Variants in KIF16B observed in about 807,000 individuals in gnomAD.
KIF16B encodes the protein kinesin family member 16B.
In KIF16B, 98 loss-of-function variants were observed where a neutral mutation model predicts 156.3. The observed-to-expected ratio is 0.63, with a 90% CI of 0.53 to 0.74. KIF16B has a LOEUF of 0.74. Ranked by LOEUF, KIF16B falls within the 30% of genes least tolerant of loss-of-function variation. The pLI is 0.00. For missense variants in KIF16B, 1,421 were observed against 1,606.5 expected (o/e 0.88, Z 1.97); for synonymous variants, 564 against 583.7 (o/e 0.97, Z 0.49).
intron 2 of KIF16B, among the ~76,000 whole-genome samples, chr20:16,526,567 T>A (rs12479497): frequency 6.6e-6 from 1 of 152,106 alleles, no homozygotes; most frequent in Non-Finnish European, 1.5e-5. Flanking sequence ...CATGATAAGA[T>A]TGGCACCTTC....
intron 24 of KIF16B, among the ~76,000 whole-genome samples, chr20:16,319,546 G>A (rs1026278738): frequency 1.3e-5 from 2 of 152,192 alleles, no homozygotes; most frequent in African/African-American, 4.8e-5. Context: ...AGACTGCAGA[G>A]ACAGACAGGT....
At chr20:16,546,785 T>G (rs2070422754) in intron 1 of KIF16B, among the ~76,000 whole-genome samples, 1 of 152,124 alleles carries the variant, frequency 6.6e-6, no homozygotes, top group South Asian at 2.1e-4. Flanking sequence ...ATTTATTTAT[T>G]TATTTACTTC....
At chr20:16,445,153 T>G (rs367972589) in intron 12 of KIF16B, among the ~76,000 whole-genome samples, 1 of 151,988 alleles carries the variant, frequency 6.6e-6, no homozygotes, top group Admixed American at 6.6e-5. Flanking sequence ...TGAGCTATGA[T>G]TGCACCACTG....
intron 12 of KIF16B, among the ~76,000 whole-genome samples, chr20:16,483,681 T>C (rs1375644733): frequency 6.6e-6 from 1 of 152,166 alleles, no homozygotes; most frequent in Admixed American, 6.5e-5. Flanking sequence ...AGTGAGGTTC[T>C]GAGAAACAGA....
chr20:16,504,331 T>C (rs2146999769), intron 10 of KIF16B, 41 bp downstream of exon 10: 1 of 1,592,644 alleles, frequency 6.3e-7, no homozygotes, highest in South Asian at 1.1e-5. Flanking sequence ...TAGATGCCAT[T>C]ACTCAAAGAA....
intron 13 of KIF16B, 105 bp from the exon 14 acceptor site, chr20:16,429,109 C>G (rs1366032422): frequency 1.1e-6 from 1 of 930,566 alleles, no homozygotes; most frequent in Admixed American, 1.8e-5. Flanking sequence ...ATGGGATGAA[C>G]AACATCCTGG....
chr20:16,555,770 A>T (rs943726957), intron 1 of KIF16B, among the ~76,000 whole-genome samples: 1 of 152,224 alleles, frequency 6.6e-6, no homozygotes, highest in Non-Finnish European at 1.5e-5. Context: ...AAACAAAAAC[A>T]ACCACAAAAT....
rs558737363 is a variant in KIF16B at position 16,573,333 on chromosome 20, G to A, written c.-58C>T. ...ACTAGCCCAGAACTCCGCGGTCGCC[G>A]GCGACGCTGGCTACTCAGATCGCGG... On this transcript the variant is annotated 5_prime_UTR_variant, in exon 1 of 26. Coordinates refer to ENST00000354981, the MANE Select transcript of KIF16B (RefSeq NM_024704.5). 15 of 1,574,470 alleles carry A rather than the reference G, an allele frequency of 9.5e-6. No individual in the cohort carries two copies. Among genetic ancestry groups the A allele is most frequent in the Middle Eastern group, 1.7e-4 (1 of 5,800 alleles).
At chr20:16,412,853 G>T (rs1412174941) in intron 15 of KIF16B, among the ~76,000 whole-genome samples, 1 of 152,054 alleles carries the variant, frequency 6.6e-6, no homozygotes, top group Non-Finnish European at 1.5e-5. Flanking sequence ...TACTTAAAAT[G>T]CAATAAGCAA....
At chr20:16,368,958 G>T (rs768727763) in intron 22 of KIF16B, 42 of 985,644 alleles carry the variant, frequency 4.3e-5, no homozygotes, top group Admixed American at 1.2e-4. Context: ...TGTTACTTTC[G>T]TTAAGAAAAG....
In KIF16B at chr20:16,293,909, G is replaced by A. The variant is rs1196893977; in HGVS notation, c.3795+18426C>T. On this transcript the variant is annotated intron_variant, in intron 25 of 25. Coordinates refer to ENST00000354981, the MANE Select transcript of KIF16B (RefSeq NM_024704.5). ...GGAGGGCGAGTGTCCCTGAATATATGAGGAGAGGGGCTGCGGGGGGTGCAT... is the reference window on the plus strand; with the variant it reads ...GGAGGGCGAGTGTCCCTGAATATATAAGGAGAGGGGCTGCGGGGGGTGCAT... Among the ~76,000 whole-genome samples, 3 of 152,068 alleles carry A rather than the reference G, an allele frequency of 2.0e-5. No individual in the cohort carries two copies. The East Asian group carries it at 5.8e-4, about 29-fold the overall frequency.
At chr20:16,389,772 C>T (rs2065319240) in intron 17 of KIF16B, among the ~76,000 whole-genome samples, 2 of 152,134 alleles carry the variant, frequency 1.3e-5, no homozygotes, top group Admixed American at 6.5e-5. Flanking sequence ...GTTATTTCAC[C>T]CAGGGTAGGC....
chr20:16,384,964 A>T lies in KIF16B; in HGVS notation c.1785-3217T>A, dbSNP rs1162072679. 2.0e-5 allele frequency among the ~76,000 whole-genome samples: 3 copies of T among 152,258 alleles called. No individual in the cohort carries two copies. The East Asian group carries it at 5.8e-4, about 29-fold the overall frequency. On this transcript the variant is annotated intron_variant, in intron 17 of 25. Transcript: ENST00000354981. ...GTAATCCCAACACTTTGGGAGGCTG[A>T]GGCAGGCGGATCACCTGAAGTCAGA...
At chr20:16,524,264 C>T (rs560432142) in intron 3 of KIF16B, among the ~76,000 whole-genome samples, 5 of 152,020 alleles carry the variant, frequency 3.3e-5, no homozygotes, top group African/African-American at 1.2e-4. Context: ...AAAATTTTTG[C>T]AATCTATCCA....
chr20:16,536,667 T>A (rs546828632), intron 1 of KIF16B, among the ~76,000 whole-genome samples: 1 of 152,182 alleles, frequency 6.6e-6, no homozygotes. Flanking sequence ...TTGGAGCTAT[T>A]AAGTGTTGCA....
At chr20:16,285,251 G>A (rs563721903) in intron 25 of KIF16B, among the ~76,000 whole-genome samples, 10 of 152,294 alleles carry the variant, frequency 6.6e-5, no homozygotes, top group Non-Finnish European at 1.0e-4. Flanking sequence ...TGAGCATAGA[G>A]TATGCATTAA....
At chr20:16,418,723 G>A (rs372385400) in intron 15 of KIF16B, among the ~76,000 whole-genome samples, 59 of 152,248 alleles carry the variant, frequency 3.9e-4, no homozygotes, top group African/African-American at 1.3e-3. Flanking sequence ...TTTTGTTCAC[G>A]CAACTCATGT....
chr20:16,385,843 A>T (rs34419300), intron 17 of KIF16B, among the ~76,000 whole-genome samples: 1 of 152,164 alleles, frequency 6.6e-6, no homozygotes, highest in Admixed American at 6.5e-5. Flanking sequence ...TTTAATTCTC[A>T]CAATGACCCT....
At chr20:16,468,445 G>A (rs907984719) in intron 12 of KIF16B, among the ~76,000 whole-genome samples, 14 of 151,630 alleles carry the variant, frequency 9.2e-5, no homozygotes, top group African/African-American at 3.4e-4. Context: ...GCATGGTGGT[G>A]GGTGCCTGTA....
Sources: gnomAD v4.1 joint callset for allele counts (sites outside exome capture counted in the v4.1 genomes callset) on GRCh38, gnomAD v4.1.1 for gene constraint, MANE v1.5 for transcripts, NCBI Gene and HGNC (gene_info 2026-07-23, HGNC 2026-07-21) for gene names.